Variants in PARM1 observed in about 807,000 individuals in gnomAD.
PARM1 encodes prostate androgen-regulated mucin-like protein 1, also known as WSC4, cell wall integrity and stress response component 4 homolog.
PARM1 carries 14 observed loss-of-function variants against 24.6 expected under a neutral mutation model. The ratio of observed to expected loss-of-function variants is 0.57; its 90% CI spans 0.38 to 0.89. The LOEUF is 0.89. Among genes scored for constraint, PARM1 ranks in the 40% least tolerant of loss-of-function variants. PARM1 has a pLI of 0.00. For synonymous variants in PARM1, 179 were observed against 156.6 expected (o/e 1.14, Z -1.07); for missense variants, 362 against 380.4 (o/e 0.95, Z 0.40).
chr4:74,985,416 A>G (rs1450506277), intron 1 of PARM1, among the ~76,000 whole-genome samples: 1 of 152,198 alleles, frequency 6.6e-6, no homozygotes, highest in Non-Finnish European at 1.5e-5. Flanking sequence ...GCTGGGGCCC[A>G]TGGAAGACTG....
chr4:75,031,859 T>C (rs928355548), intron 2 of PARM1, among the ~76,000 whole-genome samples: 11 of 152,226 alleles, frequency 7.2e-5, no homozygotes, highest in Admixed American at 7.2e-4. Flanking sequence ...TCCCATCACC[T>C]TACCCTATGG....
At chr4:74,972,987 A>T (rs985605420) in intron 1 of PARM1, among the ~76,000 whole-genome samples, 2 of 152,108 alleles carry the variant, frequency 1.3e-5, no homozygotes, top group Non-Finnish European at 2.9e-5. Context: ...TGATGTTTAG[A>T]TCTCTGAGCC....
intron 1 of PARM1, among the ~76,000 whole-genome samples, chr4:74,945,322 A>G (rs960731821): frequency 1.3e-5 from 2 of 152,212 alleles, no homozygotes; most frequent in African/African-American, 2.4e-5. Flanking sequence ...TTACAATTTT[A>G]AAAGTTGAGA....
In PARM1 at chr4:75,042,960, A is replaced by C. The variant is rs540767826; in HGVS notation, c.849-3203A>C. Among the ~76,000 whole-genome samples, 26 of 152,030 alleles carry C rather than the reference A, an allele frequency of 1.7e-4. No individual in the cohort carries two copies. The South Asian group carries it at 5.4e-3, about 32-fold the overall frequency. ...CTTAATGGGAAGGAAAAAAAAAAAA[A>C]CAAAGTAAAGGCCAATCTTTTTCCT... On this transcript the variant is annotated intron_variant, in intron 3 of 3. Transcript: ENST00000307428.
At chr4:74,960,317 AT>A (rs1721741929) in intron 1 of PARM1, among the ~76,000 whole-genome samples, 1 of 151,882 alleles carries the variant, frequency 6.6e-6, no homozygotes. Flanking sequence ...CTCCTACTTT[AT>A]TTTTCTCTTC....
intron 1 of PARM1, among the ~76,000 whole-genome samples, chr4:74,986,281 C>T (rs1197293343): frequency 6.6e-6 from 1 of 152,086 alleles, no homozygotes; most frequent in African/African-American, 2.4e-5. Context: ...CTTTGCAGTA[C>T]GAAAGGCAAA....
At chr4:75,040,897 C>T (rs1257222209) in intron 3 of PARM1, among the ~76,000 whole-genome samples, 2 of 152,220 alleles carry the variant, frequency 1.3e-5, no homozygotes, top group Admixed American at 6.5e-5. Flanking sequence ...ATGGCTCATC[C>T]GTCATCTCCT....
At chr4:74,990,802 G>A (rs1722452709) in intron 1 of PARM1, among the ~76,000 whole-genome samples, 1 of 152,102 alleles carries the variant, frequency 6.6e-6, no homozygotes. Flanking sequence ...GCGCATAAAT[G>A]CCAGTTGGAG....
chr4:74,987,733 T>C (rs868228139), intron 1 of PARM1, among the ~76,000 whole-genome samples: 1 of 152,178 alleles, frequency 6.6e-6, no homozygotes. Flanking sequence ...TATTTTCTTA[T>C]GGTTGATCAA....
At chr4:74,980,512 A>G (rs1021916002) in intron 1 of PARM1, among the ~76,000 whole-genome samples, 6 of 152,354 alleles carry the variant, frequency 3.9e-5, no homozygotes, top group Non-Finnish European at 2.9e-5. Flanking sequence ...AGGAAGAATC[A>G]GTGTCATGAA....
Position 75,046,340 on chromosome 4 carries a change from A to G in PARM1, c.*93A>G. On this transcript the variant is annotated 3_prime_UTR_variant, in exon 4 of 4. Coordinates refer to ENST00000307428, the MANE Select transcript of PARM1 (RefSeq NM_015393.4). Reference sequence around the variant, plus strand: ...ATAAGTACCTGATGCGCATTGAACGACAATCTTAAGCCCTGTTTTGTTGGT... The same window carrying G: ...ATAAGTACCTGATGCGCATTGAACGGCAATCTTAAGCCCTGTTTTGTTGGT... 2.5e-6 allele frequency: 2 copies of G among 805,552 alleles called. No homozygotes were observed. Among genetic ancestry groups the G allele is most frequent in the South Asian group, 1.6e-5 (1 of 62,758 alleles). 49.9% of individuals were successfully genotyped at this position (805,552 alleles called of 1,614,324 possible).
intron 2 of PARM1, among the ~76,000 whole-genome samples, chr4:75,031,472 G>A (rs1429329329): frequency 1.3e-5 from 2 of 151,772 alleles, no homozygotes; most frequent in African/African-American, 4.8e-5. Context: ...GGTACACTTG[G>A]AGCTAGAGAG....
chr4:74,961,260 A>G (rs1341284642), intron 1 of PARM1, among the ~76,000 whole-genome samples: 1 of 152,160 alleles, frequency 6.6e-6, no homozygotes, highest in Non-Finnish European at 1.5e-5. Flanking sequence ...TTCTGGAGAA[A>G]ACAGAAAAAA....
chr4:74,971,201 TG>T (rs1209417018), intron 1 of PARM1, among the ~76,000 whole-genome samples: 1 of 152,192 alleles, frequency 6.6e-6, no homozygotes. Context: ...CTCACAATCA[TG>T]GCAGAAGGCG....
intron 2 of PARM1, among the ~76,000 whole-genome samples, chr4:75,015,925 T>C (rs575225624): frequency 6.6e-6 from 1 of 152,344 alleles, no homozygotes; most frequent in African/African-American, 2.4e-5. Context: ...TGCTCTTATT[T>C]AGAGATTCTT....
intron 1 of PARM1, among the ~76,000 whole-genome samples, chr4:74,950,165 A>T (rs1360058523): frequency 6.6e-6 from 1 of 152,194 alleles, no homozygotes; most frequent in African/African-American, 2.4e-5. Flanking sequence ...ATAAATATAG[A>T]TTAGCTATTG....
At chr4:74,936,192 T>C (rs1009825192) in intron 1 of PARM1, among the ~76,000 whole-genome samples, 9 of 152,142 alleles carry the variant, frequency 5.9e-5, no homozygotes, top group African/African-American at 2.2e-4. Flanking sequence ...TCTCTCAAGG[T>C]TGATTATGGT....
At chr4:75,024,099 G>A (rs1440991014) in intron 2 of PARM1, among the ~76,000 whole-genome samples, 2 of 152,040 alleles carry the variant, frequency 1.3e-5, no homozygotes, top group Non-Finnish European at 2.9e-5. Flanking sequence ...GTGAAACCCC[G>A]TCTCTACTAA....
intron 3 of PARM1, among the ~76,000 whole-genome samples, chr4:75,040,901 A>T (rs926540139): frequency 6.6e-6 from 1 of 152,074 alleles, no homozygotes; most frequent in African/African-American, 2.4e-5. Context: ...CTCATCCGTC[A>T]TCTCCTCTAT....
Sources: allele counts gnomAD v4.1 joint callset (sites outside exome capture counted in the v4.1 genomes callset), GRCh38; gene constraint gnomAD v4.1.1; transcripts MANE v1.5; gene names NCBI Gene and HGNC (gene_info 2026-07-23, HGNC 2026-07-21).